Variants in EML6 observed in about 807,000 individuals in gnomAD.
EML6 encodes EMAP like 6.
EML6 carries 154 observed loss-of-function variants against 240.1 expected under a neutral mutation model. That is an observed-to-expected ratio of 0.64 (90% CI 0.56 to 0.73). The LOEUF (loss-of-function observed/expected upper bound fraction) is 0.73. EML6 is among the 30% of genes least tolerant of loss of function. The pLI is 0.00. For synonymous variants in EML6, 1,148 were observed against 899.0 expected (o/e 1.28, Z -4.95); for missense variants, 2,964 against 2,474.6 (o/e 1.20, Z -4.20).
chr2:54,840,704 G>T (rs1558598765), intron 7 of EML6, among the ~76,000 whole-genome samples: 1 of 152,312 alleles, frequency 6.6e-6, no homozygotes, highest in East Asian at 1.9e-4. Context: ...CATTTGCTCA[G>T]TAATCTTTAT....
rs72913521 is a variant in EML6, at chr2:54,724,345, C to T, written c.-513-204C>T. On this transcript the variant is annotated intron_variant, in intron 1 of 41. Transcript: ENST00000356458. The surrounding 1 kb of genome is among the most constrained non-coding windows in gnomAD (Gnocchi z 5.2). ...ATTAGGGAAACAGCAAGCGTTCCTT[C>T]AAATCGCATCAGCAACTGCCAGGCA... 0.079 allele frequency among the ~76,000 whole-genome samples: 11,958 copies of T among 152,162 alleles called. 565 individuals carry two copies. The highest frequency in any genetic ancestry group is 0.16 in the Middle Eastern group (46 of 294).
chr2:54,732,280 A>G (rs956389312), intron 2 of EML6, among the ~76,000 whole-genome samples: 4 of 151,868 alleles, frequency 2.6e-5, no homozygotes, highest in African/African-American at 9.7e-5. Context: ...TACCCTTGGA[A>G]GTACAAAAGT....
chr2:54,851,424 ATAAT>A (rs1670084822), intron 10 of EML6, among the ~76,000 whole-genome samples: 1 of 152,142 alleles, frequency 6.6e-6, no homozygotes, highest in Non-Finnish European at 1.5e-5. Flanking sequence ...AAATAAATAA[ATAAT>A]AAATAAATTT....
chr2:54,810,464 C>T, intron 2 of EML6, among the ~76,000 whole-genome samples: 1 of 152,152 alleles, frequency 6.6e-6, no homozygotes, highest in Non-Finnish European at 1.5e-5. Context: ...AGAACAACTG[C>T]TCGGAGCAGT....
Position 54,928,421 on chromosome 2 carries a change from G to T in EML6, c.3784G>T (p.Ala1262Ser). Reference protein sequence around the residue: ...VLLTVGGADTALMIWTREFVG... With the variant: ...VLLTVGGADTSLMIWTREFVG... ...GCTCACGGTGGGCGGCGCCGACACA[G>T]CCCTGATGATCTGGACCAGGGAGTT... Residue 1262 changes from alanine (A) to serine (S), a missense_variant, in exon 27 of 42, where the codon GCC becomes TCC. Transcript: ENST00000356458. The T allele has an allele frequency of 6.5e-7, 1 of 1,544,934 alleles. No homozygotes were observed. Among genetic ancestry groups the T allele is most frequent in the Non-Finnish European group, 8.7e-7 (1 of 1,143,384 alleles).
At chr2:54,794,728 C>A (rs1023691767) in intron 2 of EML6, among the ~76,000 whole-genome samples, 1 of 152,156 alleles carries the variant, frequency 6.6e-6, no homozygotes, top group South Asian at 2.1e-4. Flanking sequence ...GTAAAAAGGT[C>A]CTAAGCATTC....
At chr2:54,870,676 G>C (rs1272462806) in intron 15 of EML6, among the ~76,000 whole-genome samples, 1 of 151,924 alleles carries the variant, frequency 6.6e-6, no homozygotes, top group East Asian at 1.9e-4. Flanking sequence ...CTTTTTTTAA[G>C]TAAAAGCCAG....
chr2:54,890,782 A>G lies in EML6; in HGVS notation c.2439-272A>G, dbSNP rs111726052. On this transcript the variant is annotated intron_variant, in intron 17 of 41. Transcript: ENST00000356458. ...GGCATTAATTTTATCTTATGGAGAC[A>G]TTACAATATGTTTTAAATATTTCAT... 9.8e-4 allele frequency among the ~76,000 whole-genome samples: 149 copies of G among 152,334 alleles called. 1 individual carries two copies. The highest frequency in any genetic ancestry group is 3.4e-3 in the African/African-American group (142 of 41,592).
chr2:54,920,012 G>A (rs577054730), intron 26 of EML6, among the ~76,000 whole-genome samples: 5 of 152,088 alleles, frequency 3.3e-5, no homozygotes, highest in Non-Finnish European at 2.9e-5. Flanking sequence ...ATAATATAGT[G>A]AACTAATAGA....
At chr2:54,924,071 T>C (rs1674412461) in intron 26 of EML6, among the ~76,000 whole-genome samples, 1 of 152,244 alleles carries the variant, frequency 6.6e-6, no homozygotes, top group African/African-American at 2.4e-5. Flanking sequence ...GTAAAGCTGC[T>C]ATGAACATTT....
At chr2:54,935,693 T>C (rs1027386591) in intron 28 of EML6, among the ~76,000 whole-genome samples, 4 of 152,230 alleles carry the variant, frequency 2.6e-5, no homozygotes, top group African/African-American at 9.6e-5. Context: ...ACATTATGTT[T>C]TGTTATTCGC....
chr2:54,772,007 A>G (rs956493695), intron 2 of EML6, among the ~76,000 whole-genome samples: 7 of 152,200 alleles, frequency 4.6e-5, no homozygotes, highest in Admixed American at 6.5e-5. Context: ...TCTCCAGTGA[A>G]ATGTACTGGC....
chr2:54,788,843 T>C (rs2103888761), intron 2 of EML6, among the ~76,000 whole-genome samples: 1 of 152,342 alleles, frequency 6.6e-6, no homozygotes, highest in South Asian at 2.1e-4. Context: ...TTAAAATACA[T>C]GTTTCATTTC....
At chr2:54,874,977 CAGG>C (rs1027925772) in intron 16 of EML6, among the ~76,000 whole-genome samples, 35 of 152,240 alleles carry the variant, frequency 2.3e-4, no homozygotes, top group Admixed American at 1.6e-3. Flanking sequence ...GGAGGCATGC[CAGG>C]AGTTCTCCTA....
intron 26 of EML6, among the ~76,000 whole-genome samples, chr2:54,920,911 T>C (rs1222605003): frequency 6.6e-6 from 1 of 152,050 alleles, no homozygotes; most frequent in Non-Finnish European, 1.5e-5. Flanking sequence ...TAAAAATCAT[T>C]TGATTATCTC....
At chr2:54,937,831 A>G (rs1014905379) in intron 28 of EML6, among the ~76,000 whole-genome samples, 2 of 152,198 alleles carry the variant, frequency 1.3e-5, no homozygotes, top group Non-Finnish European at 2.9e-5. Context: ...TGCATTAATT[A>G]AATACTGTTT....
At chr2:54,932,814 C>T (rs1451150360) in intron 28 of EML6, among the ~76,000 whole-genome samples, 1 of 152,192 alleles carries the variant, frequency 6.6e-6, no homozygotes, top group Non-Finnish European at 1.5e-5. Context: ...TACCAAATTA[C>T]TAGAGTTGCC....
Position 54,899,622 on chromosome 2 carries a change from C to A in EML6, c.2983-19C>A. 6.4e-7 allele frequency: 1 copy of A among 1,551,012 alleles called. No individual in the cohort carries two copies. The highest frequency in any genetic ancestry group is 8.7e-7 in the Non-Finnish European group (1 of 1,146,638). ...ACAGCATAAGTAGAGTTTATGTTGC[C>A]CCTTTTCCTCTCCCACAGGGGCACA... On this transcript the variant is annotated intron_variant, in intron 21 of 41. Coordinates refer to ENST00000356458, the MANE Select transcript of EML6 (RefSeq NM_001039753.4).
intron 28 of EML6, among the ~76,000 whole-genome samples, chr2:54,930,997 G>T (rs1233376377): frequency 1.6e-5 from 2 of 121,276 alleles, no homozygotes; most frequent in Non-Finnish European, 3.3e-5. Flanking sequence ...TCGCTCTGTC[G>T]CCCAGGCTGG....
Sources: allele counts gnomAD v4.1 joint callset (sites outside exome capture counted in the v4.1 genomes callset), GRCh38; gene constraint gnomAD v4.1.1; non-coding constraint Gnocchi (gnomAD v3.1); transcripts MANE v1.5; gene names NCBI Gene and HGNC (gene_info 2026-07-23, HGNC 2026-07-21).